The following DNAH11 variants were observed in gnomAD, a reference collection of about 807,000 sequenced individuals.
The protein encoded by DNAH11 is dynein axonemal heavy chain 11, also known as axonemal beta dynein heavy chain 11.
In DNAH11, 442 loss-of-function variants were observed where a neutral mutation model predicts 526.0. That is an observed-to-expected ratio of 0.84 (90% CI 0.78 to 0.91). DNAH11 has a LOEUF of 0.91. DNAH11 is among the 40% of genes least tolerant of loss of function. The probability of loss-of-function intolerance (pLI) is 0.00; values close to 1 mark genes in which losing one functional copy is unlikely to be tolerated. For synonymous variants in DNAH11, 2,461 were observed against 1,935.9 expected (o/e 1.27, Z -7.12); for missense variants, 6,989 against 5,448.7 (o/e 1.28, Z -8.90).
At chr7:21,811,580 G>A (rs1358062129) in intron 63 of DNAH11, among the ~76,000 whole-genome samples, 1 of 152,150 alleles carries the variant, frequency 6.6e-6, no homozygotes, top group Admixed American at 6.6e-5. Context: ...GGAGGAATGG[G>A]GAGTTATTGT....
At position 21,694,398 on chromosome 7, in the gene DNAH11, G is replaced by A. The variant is rs375890428; in HGVS notation, c.6041+3517G>A. Among the ~76,000 whole-genome samples the A allele has an allele frequency of 7.9e-5, 12 of 152,092 alleles. No homozygotes were observed. In the South Asian group the frequency reaches 8.3e-4, roughly 11 times the overall value. ...TGGTGTGTGATGTTCCCCTCCCTGC[G>A]TCCATGTGTTCTCATTGCTCAACTG... On this transcript the variant is annotated intron_variant, in intron 35 of 81. Coordinates refer to ENST00000409508, the MANE Select transcript of DNAH11 (RefSeq NM_001277115.2).
At chr7:21,583,799 CATTT>C in intron 9 of DNAH11, among the ~76,000 whole-genome samples, 1 of 152,168 alleles carries the variant, frequency 6.6e-6, no homozygotes, top group Non-Finnish European at 1.5e-5. Flanking sequence ...CAAAAAGAGA[CATTT>C]ATGTGGCCAA....
intron 75 of DNAH11, among the ~76,000 whole-genome samples, chr7:21,883,145 A>G (rs1783986019): frequency 6.6e-6 from 1 of 152,262 alleles, no homozygotes; most frequent in African/African-American, 2.4e-5. Context: ...ATAAACTTGT[A>G]GAAAAGTACA....
chr7:21,567,422 G>A (rs1783713104), intron 6 of DNAH11, among the ~76,000 whole-genome samples: 3 of 152,066 alleles, frequency 2.0e-5, no homozygotes, highest in Admixed American at 6.5e-5. Flanking sequence ...CAGCTCATTC[G>A]GCCCAAGGAT....
intron 66 of DNAH11, among the ~76,000 whole-genome samples, chr7:21,851,916 C>T (rs1388988492): frequency 6.6e-6 from 1 of 152,126 alleles, no homozygotes; most frequent in African/African-American, 2.4e-5. Flanking sequence ...TAAACAGATT[C>T]TTCCTGTGGT....
chr7:21,627,071 C>T (rs6944370), intron 25 of DNAH11, among the ~76,000 whole-genome samples: 19 of 151,798 alleles, frequency 1.3e-4, no homozygotes, highest in African/African-American at 4.4e-4. Context: ...TTGAGAAATG[C>T]CTATTCAAAT....
rs370038827 is a variant in DNAH11 at position 21,901,185 on chromosome 7, C to G, written c.13482C>G (p.Phe4494Leu). The change falls in exon 82 of 82, where the codon TTC (phenylalanine) becomes TTG (leucine). Residue 4494 changes from phenylalanine (F) to leucine (L), a missense_variant. Transcript: ENST00000409508. ...KLRGPSYIWTFRLKSEEKTAK... is the reference protein window; with the variant it reads ...KLRGPSYIWTLRLKSEEKTAK... Reference sequence around the variant, plus strand: ...GAGGCCCCAGCTACATCTGGACCTTCAGGCTGAAGAGCGAAGAGAAGACTG... The same window carrying G: ...GAGGCCCCAGCTACATCTGGACCTTGAGGCTGAAGAGCGAAGAGAAGACTG... 5 of 1,613,196 alleles carry G rather than the reference C, an allele frequency of 3.1e-6. No individual in the cohort carries two copies. The highest frequency in any genetic ancestry group is 4.2e-6 in the Non-Finnish European group (5 of 1,179,528).
In DNAH11 at chr7:21,778,978, A is replaced by G; in HGVS notation, c.9357A>G (p.Arg3119=). Residue 3119 remains arginine (R), a synonymous_variant, in exon 57 of 82, where the codon AGA becomes AGG. Transcript: ENST00000409508. ...TTTAGGTGGGAGATCTAAAAGCCAG[A>G]CTTGCCTCTCAAGAAGCCGAGCTGC... ...TASQVGDLKA[R]LASQEAELQL... is the part of the protein sequence containing the mutation. The G allele has an allele frequency of 3.1e-6, 5 of 1,613,200 alleles. No individual in the cohort carries two copies. The highest frequency in any genetic ancestry group is 4.2e-6 in the Non-Finnish European group (5 of 1,179,446).
intron 54 of DNAH11, among the ~76,000 whole-genome samples, chr7:21,755,831 A>C (rs1277828625): frequency 6.6e-6 from 1 of 152,130 alleles, no homozygotes; most frequent in African/African-American, 2.4e-5. Flanking sequence ...TATTTAATTG[A>C]AATATACTTT....
chr7:21,821,587 C>T (rs746715849), intron 65 of DNAH11, among the ~76,000 whole-genome samples: 4 of 152,108 alleles, frequency 2.6e-5, no homozygotes, highest in East Asian at 1.9e-4. Flanking sequence ...TTAATTGCTA[C>T]GTCATAGTTG....
rs188598941 is a variant in DNAH11 at position 21,736,880 on chromosome 7, C to T, written c.7645+1036C>T. ...TCAGAAAATACATATTATTTACCTACTTTTTCCCAAGCATTGTGTAGGGTA... is the reference window on the plus strand; with the variant it reads ...TCAGAAAATACATATTATTTACCTATTTTTTCCCAAGCATTGTGTAGGGTA... On this transcript the variant is annotated intron_variant, in intron 46 of 81. Coordinates refer to ENST00000409508, the MANE Select transcript of DNAH11 (RefSeq NM_001277115.2). 2.6e-5 allele frequency among the ~76,000 whole-genome samples: 4 copies of T among 152,278 alleles called. No homozygotes were observed. The East Asian group carries it at 7.7e-4, about 29-fold the overall frequency.
rs180871387 is a variant in DNAH11, at chr7:21,867,766, A to G, written c.11691-93A>G. On this transcript the variant is annotated intron_variant, in intron 71 of 81. Transcript: ENST00000409508. ...CCATGTAATAAACCTGGTTACTTCTATCGTGTGCCTGTGTGGTTTAAGCTT... is the reference window on the plus strand; with the variant it reads ...CCATGTAATAAACCTGGTTACTTCTGTCGTGTGCCTGTGTGGTTTAAGCTT... 4.4e-4 allele frequency: 528 copies of G among 1,189,772 alleles called. No homozygotes were observed. The African/African-American group carries it at 6.6e-3, about 15-fold the overall frequency. The allele number at this position is 1,189,772 out of a possible 1,614,324, so 73.7% of individuals were successfully genotyped here.
At chr7:21,562,009 G>T (rs1583482778) in intron 5 of DNAH11, among the ~76,000 whole-genome samples, 1 of 151,882 alleles carries the variant, frequency 6.6e-6, no homozygotes, top group Non-Finnish European at 1.5e-5. Context: ...TAAAAAGAGG[G>T]CATAAGATAA....
At chr7:21,798,773 A>G (rs1788832644) in intron 61 of DNAH11, among the ~76,000 whole-genome samples, 1 of 152,238 alleles carries the variant, frequency 6.6e-6, no homozygotes, top group South Asian at 2.1e-4. Context: ...AATAGCAGGT[A>G]TAAGAATCTA....
intron 62 of DNAH11, among the ~76,000 whole-genome samples, chr7:21,802,722 C>T (rs751000721): frequency 2.0e-4 from 31 of 151,914 alleles, no homozygotes; most frequent in South Asian, 2.1e-4. Context: ...GGCCACATAT[C>T]ACATGGTATG....
At chr7:21,659,466 C>A (rs1247100857) in intron 30 of DNAH11, among the ~76,000 whole-genome samples, 2 of 151,832 alleles carry the variant, frequency 1.3e-5, no homozygotes, top group Non-Finnish European at 2.9e-5. Context: ...GAAAAATAAT[C>A]TATTTTGAAT....
At chr7:21,720,582 A>G (rs1196726334) in intron 43 of DNAH11, 143 bp from the exon 44 acceptor site, 1 of 874,550 alleles carries the variant, frequency 1.1e-6, no homozygotes, top group Admixed American at 3.5e-5. Flanking sequence ...CAAGGTGGTA[A>G]TTTTTGTCTC....
intron 68 of DNAH11, among the ~76,000 whole-genome samples, chr7:21,856,944 G>A (rs1782874936): frequency 1.3e-5 from 2 of 152,186 alleles, no homozygotes; most frequent in East Asian, 1.9e-4. Flanking sequence ...CTTTCTCTCA[G>A]CACATCTATT....
chr7:21,551,686 A>G (rs1374972677), intron 2 of DNAH11, among the ~76,000 whole-genome samples: 2 of 152,194 alleles, frequency 1.3e-5, no homozygotes, highest in Admixed American at 6.5e-5. Flanking sequence ...ATCACATGGG[A>G]CGACCTATCC....
Sources: allele counts gnomAD v4.1 joint callset (sites outside exome capture counted in the v4.1 genomes callset), GRCh38; gene constraint gnomAD v4.1.1; transcripts MANE v1.5; gene names NCBI Gene and HGNC (gene_info 2026-07-23, HGNC 2026-07-21).